Variants in SHROOM4 observed in about 807,000 individuals in gnomAD.
SHROOM4 encodes the protein shroom family member 4.
Under a neutral mutation model 80.3 loss-of-function variants are expected in SHROOM4, and 17 were observed. The ratio of observed to expected loss-of-function variants is 0.21; its 90% CI spans 0.14 to 0.32. SHROOM4 has a LOEUF of 0.32. Ranked by LOEUF, SHROOM4 falls within the 10% of genes least tolerant of loss-of-function variation. The pLI is 1.00. For synonymous variants in SHROOM4, 400 were observed against 437.5 expected (o/e 0.91, Z 1.07); for missense variants, 993 against 1,140.3 (o/e 0.87, Z 1.86).
At chrX:50,698,439 AAG>A (rs1243369790) in intron 1 of SHROOM4, among the ~76,000 whole-genome samples, 14 of 111,610 alleles carry the variant, frequency 1.3e-4, no homozygotes, top group African/African-American at 4.6e-4. Context: ...CTCAGACAAA[AAG>A]CCAGCAAATT....
intron 1 of SHROOM4, among the ~76,000 whole-genome samples, chrX:50,738,887 A>G (rs1159317181): frequency 3.6e-5 from 4 of 111,809 alleles, no homozygotes; most frequent in African/African-American, 1.3e-4. Flanking sequence ...ATCCTAAGCC[A>G]AAAGAACAAA....
At chrX:50,598,719 C>T (rs964169264) in intron 7 of SHROOM4, among the ~76,000 whole-genome samples, 184 bp from the exon 8 acceptor site, 2 of 112,128 alleles carry the variant, frequency 1.8e-5, no homozygotes, top group Non-Finnish European at 3.8e-5. Flanking sequence ...CACCTTCTAT[C>T]CGTCTGGTAG....
At chrX:50,752,403 T>A (rs1934942281) in intron 1 of SHROOM4, among the ~76,000 whole-genome samples, 1 of 112,007 alleles carries the variant, frequency 8.9e-6, no homozygotes, top group South Asian at 3.7e-4. Context: ...ACTTTTCAGA[T>A]GATTAATTCC....
intron 1 of SHROOM4, among the ~76,000 whole-genome samples, chrX:50,701,697 G>A (rs1012542434): frequency 9.0e-6 from 1 of 111,459 alleles, no homozygotes; most frequent in Non-Finnish European, 1.9e-5. Context: ...TGTGTATACT[G>A]GGGACACATA....
intron 2 of SHROOM4, among the ~76,000 whole-genome samples, chrX:50,648,308 C>T (rs1931916968): frequency 8.9e-6 from 1 of 111,811 alleles, no homozygotes; most frequent in Admixed American, 9.5e-5. Context: ...AGTCACCTGG[C>T]ATCTGTACCT....
intron 1 of SHROOM4, among the ~76,000 whole-genome samples, chrX:50,779,673 GGAA>G (rs1445131117): frequency 9.0e-6 from 1 of 111,643 alleles, no homozygotes; most frequent in African/African-American, 3.3e-5. Flanking sequence ...GGAACATGCA[GGAA>G]GAAGAAGAGA....
chrX:50,637,458 G>A (rs1254436074), intron 3 of SHROOM4, among the ~76,000 whole-genome samples: 6 of 112,652 alleles, frequency 5.3e-5, no homozygotes, highest in Admixed American at 2.8e-4. Context: ...ACTCAAACAG[G>A]AGCCAAGCTC....
chrX:50,740,212 T>G (rs1304817801), intron 1 of SHROOM4, among the ~76,000 whole-genome samples: 1 of 97,351 alleles, frequency 1.0e-5, no homozygotes, highest in Non-Finnish European at 2.1e-5. Context: ...GGGATAGCAT[T>G]AGGAGATATA....
At chrX:50,761,953 T>G (rs1301448502) in intron 1 of SHROOM4, among the ~76,000 whole-genome samples, 1 of 111,892 alleles carries the variant, frequency 8.9e-6, no homozygotes, top group African/African-American at 3.2e-5. Flanking sequence ...AGTTATATTC[T>G]TATTTATTGC....
intron 1 of SHROOM4, among the ~76,000 whole-genome samples, chrX:50,775,023 T>C (rs1185608668): frequency 8.9e-6 from 1 of 112,014 alleles, no homozygotes; most frequent in African/African-American, 3.2e-5. Flanking sequence ...ATGTGAACAA[T>C]CCTTTTGTTT....
chrX:50,772,258 C>A (rs1317834052), intron 1 of SHROOM4, among the ~76,000 whole-genome samples: 2 of 111,563 alleles, frequency 1.8e-5, no homozygotes, highest in East Asian at 5.6e-4. Flanking sequence ...GTGGTAACAA[C>A]AATAATAGTA....
chrX:50,583,382 C>T (rs1222040385), downstream of SHROOM4, among the ~76,000 whole-genome samples: 6 of 111,041 alleles, frequency 5.4e-5, no homozygotes, highest in East Asian at 8.5e-4. Context: ...AGGATGGCCT[C>T]CATGTTCCTC....
chrX:50,771,753 T>A (rs1399248560), intron 1 of SHROOM4, among the ~76,000 whole-genome samples: 1 of 112,363 alleles, frequency 8.9e-6, no homozygotes, highest in Non-Finnish European at 1.9e-5. Flanking sequence ...AGTAAAATAA[T>A]CAGATAAGTG....
intron 1 of SHROOM4, among the ~76,000 whole-genome samples, chrX:50,789,946 C>T (rs951672606): frequency 4.9e-4 from 55 of 112,228 alleles, no homozygotes; most frequent in African/African-American, 1.8e-3. Context: ...TAGCCTATTA[C>T]ACCTAGGCTA....
At chrX:50,730,996 A>G (rs2147541956) in intron 1 of SHROOM4, among the ~76,000 whole-genome samples, 1 of 110,656 alleles carries the variant, frequency 9.0e-6, no homozygotes, top group African/African-American at 3.3e-5. Context: ...TAAAAGCCAT[A>G]AAGATATTTA....
At chrX:50,738,168 G>A (rs1299820173) in intron 1 of SHROOM4, among the ~76,000 whole-genome samples, 1 of 110,795 alleles carries the variant, frequency 9.0e-6, no homozygotes, top group Non-Finnish European at 1.9e-5. Flanking sequence ...AAATATTGAT[G>A]GGACGTATCT....
chrX:50,781,952 T>C (rs1333065467), intron 1 of SHROOM4, among the ~76,000 whole-genome samples: 1 of 111,755 alleles, frequency 8.9e-6, no homozygotes, highest in Non-Finnish European at 1.9e-5. Context: ...CTCATACCTG[T>C]AATCCCAGCA....
intron 2 of SHROOM4, among the ~76,000 whole-genome samples, chrX:50,691,543 G>A (rs1557262634): frequency 8.9e-6 from 1 of 112,501 alleles, no homozygotes; most frequent in African/African-American, 3.2e-5. Context: ...ATTGAATTGG[G>A]TGAGAGAGGA....
chrX:50,717,358 C>T, intron 1 of SHROOM4, among the ~76,000 whole-genome samples: 1 of 111,906 alleles, frequency 8.9e-6, no homozygotes, highest in South Asian at 3.8e-4. Context: ...GCTGGGACTA[C>T]AGGCGACCGC....
Sources: gnomAD v4.1 joint callset for allele counts (sites outside exome capture counted in the v4.1 genomes callset) on GRCh38, gnomAD v4.1.1 for gene constraint, MANE v1.5 for transcripts, NCBI Gene and HGNC (gene_info 2026-07-23, HGNC 2026-07-21) for gene names.